TAS1R3: variants seen among roughly 807,000 people sequenced by gnomAD.
TAS1R3 encodes the protein taste receptor type 1 member 3.
A neutral mutation model predicts 46.1 loss-of-function variants in TAS1R3; 58 were observed. That is an observed-to-expected ratio of 1.26 (90% confidence interval 1.02 to 1.57). The LOEUF (loss-of-function observed/expected upper bound fraction) is 1.57. Ranked by LOEUF, TAS1R3 falls within the 40% of genes most tolerant of loss-of-function variation. The pLI, the probability that TAS1R3 is intolerant of heterozygous loss-of-function variation, is 0.00. For synonymous variants in TAS1R3, 724 were observed against 544.7 expected (o/e 1.33, Z -4.58); for missense variants, 1,422 against 1,185.8 (o/e 1.20, Z -2.93).
In TAS1R3 at chr1:1,334,240, G is replaced by A. The variant is rs1643503689; in HGVS notation, c.2335G>A (p.Val779Met). ...CTACTTCATCACCTGGGTCTCCTTT[G>A]TGCCCCTCCTGGCCAATGTGCAGGT... ...LAYFITWVSF[V>M]PLLANVQVVL... Residue 779 changes from valine (V) to methionine (M), a missense_variant, in exon 6 of 6, where the codon GTG (valine) becomes ATG (methionine). Coordinates refer to ENST00000339381, the MANE Select transcript of TAS1R3 (RefSeq NM_152228.3). The A allele has an allele frequency of 1.2e-6, 2 of 1,611,524 alleles. No individual in the cohort carries two copies. Among genetic ancestry groups the A allele is most frequent in the Non-Finnish European group, 1.7e-6 (2 of 1,179,468 alleles).
At position 1,333,113 on chromosome 1, in the gene TAS1R3, T is replaced by C. The variant is rs370290649; in HGVS notation, c.1468T>C (p.Ser490Pro). 14 of 1,611,398 alleles carry C rather than the reference T, an allele frequency of 8.7e-6. No individual in the cohort carries two copies. In the African/African-American group the frequency reaches 1.6e-4, roughly 18 times the overall value. Residue 490 changes from serine (S) to proline (P), a missense_variant, in exon 4 of 6, where the codon TCT becomes CCT. Coordinates refer to ENST00000339381, the MANE Select transcript of TAS1R3 (RefSeq NM_152228.3). ...TERLKIRWHTSDNQKPVSRCS... is the reference protein window; with the variant it reads ...TERLKIRWHTPDNQKPVSRCS... ...GCGCCTGAAGATCCGCTGGCACACGTCTGACAACCAGGTGAGGTGAGGGTG... is the reference window on the plus strand; with the variant it reads ...GCGCCTGAAGATCCGCTGGCACACGCCTGACAACCAGGTGAGGTGAGGGTG...
chr1:1,333,671 T>C lies in TAS1R3; in HGVS notation c.1766T>C (p.Leu589Pro). ...GGCCTTGTGCTGGCTGCTTTGGGGC[T>C]GTTCGTTCACCATCGGGACAGCCCA... ...ALGLVLAALG[L>P]FVHHRDSPLV... is the part of the protein sequence containing the mutation. The change falls in exon 6 of 6, where the codon CTG becomes CCG. Residue 589 changes from leucine (L) to proline (P), a missense_variant. Transcript: ENST00000339381. The C allele has an allele frequency of 6.2e-7, 1 of 1,612,096 alleles. No individual in the cohort carries two copies. The highest frequency in any genetic ancestry group is 8.5e-7 in the Non-Finnish European group (1 of 1,179,870).
At chr1:1,333,446 C>G in intron 5 of TAS1R3, 60 bp from the exon 6 acceptor site, 1 of 1,605,882 alleles carries the variant, frequency 6.2e-7, no homozygotes, top group Non-Finnish European at 8.5e-7. Context: ...AGTCCTGACT[C>G]TGAGACCAGA....
At position 1,333,948 on chromosome 1, in the gene TAS1R3, C is replaced by T. The variant is rs1165597548; in HGVS notation, c.2043C>T (p.Ala681=). The change falls in exon 6 of 6, where the codon GCC becomes GCT. Residue 681 remains alanine (A), a synonymous_variant. Coordinates refer to ENST00000339381, the MANE Select transcript of TAS1R3 (RefSeq NM_152228.3). ...GTGGCTGCCTGCGGGGGCCCTGGGC[C>T]TGGCTGGTGGTGCTGCTGGCCATGC... ...RLSGCLRGPW[A]WLVVLLAMLV... 1 of 1,600,812 alleles carries T rather than the reference C, an allele frequency of 6.2e-7. No homozygotes were observed. Among genetic ancestry groups the T allele is most frequent in the Non-Finnish European group, 8.5e-7 (1 of 1,179,596 alleles).
rs759898003 is a variant in TAS1R3, at chr1:1,333,079, C to T, written c.1434C>T (p.Leu478=). Residue 478 remains leucine, a synonymous_variant, in exon 4 of 6, where the codon CTC becomes CTT. Transcript: ENST00000339381. ...LHDVGRFNGS[L]RTERLKIRWH... is the part of the protein sequence containing the mutation. ...ACGTGGGCAGGTTCAACGGCAGCCT[C>T]AGGACAGAGCGCCTGAAGATCCGCT... 2.5e-6 allele frequency: 4 copies of T among 1,612,596 alleles called. No homozygotes were observed. In the South Asian group the frequency reaches 4.4e-5, roughly 18 times the overall value.
chr1:1,331,719 CGGGCTGCGCCT>C lies in TAS1R3; in HGVS notation c.279_289del (p.Leu95ProfsTer3). 6.2e-7 allele frequency: 1 copy of C among 1,612,954 alleles called. No homozygotes were observed. The highest frequency in any genetic ancestry group is 8.5e-7 in the Non-Finnish European group (1 of 1,180,016). On this transcript the variant is annotated frameshift_variant, in exon 2 of 6. Coordinates refer to ENST00000339381, the MANE Select transcript of TAS1R3 (RefSeq NM_152228.3). LOFTEE classifies it high-confidence loss of function. ...TCAACAACAAGTCGGATCTGCTGCC[CGGGCTGCGCCT>C]GGGCTACGACCTCTTTGATACGTGC...
rs765156860 is a variant in TAS1R3, at chr1:1,331,383, C to A, written c.38C>A (p.Ala13Asp). The change falls in exon 1 of 6, where the codon GCT becomes GAT. Residue 13 changes from alanine (A) to aspartate (D), a missense_variant. Ala to Asp is a moderately radical substitution (Grantham distance 126). Transcript: ENST00000339381. ...GPAVLGLSLW[A>D]LLHPGTGAPL... ...GCTGTCCTGGGCCTCAGCCTCTGGG[C>A]TCTCCTGCACCCTGGGACGGGGGCC... 71 of 1,600,806 alleles carry A rather than the reference C, an allele frequency of 4.4e-5. No homozygotes were observed. Among genetic ancestry groups the A allele is most frequent in the Non-Finnish European group, 6.0e-5 (71 of 1,174,540 alleles).
intron 3 of TAS1R3, 57 bp from the exon 4 acceptor site, chr1:1,332,864 G>C (rs985008408): frequency 1.3e-6 from 2 of 1,587,282 alleles, no homozygotes; most frequent in African/African-American, 1.3e-5. Context: ...CACCAGGCAC[G>C]GCCACCACGC....
chr1:1,333,958 G>A lies in TAS1R3; in HGVS notation c.2053G>A (p.Val685Met). The stretch of plus-strand genomic sequence containing the variant: ...GCGGGGGCCCTGGGCCTGGCTGGTG[G>A]TGCTGCTGGCCATGCTGGTGGAGGT... The part of the protein sequence containing the change: ...CLRGPWAWLV[V>M]LLAMLVEVAL... Residue 685 changes from valine (V) to methionine (M), a missense_variant, in exon 6 of 6, where the codon GTG becomes ATG. By Grantham distance (21) the Val-to-Met change is conservative (BLOSUM62 1). Transcript: ENST00000339381. 1 of 1,600,740 alleles carries A rather than the reference G, an allele frequency of 6.2e-7. No individual in the cohort carries two copies. Among genetic ancestry groups the A allele is most frequent in the Non-Finnish European group, 8.5e-7 (1 of 1,179,636 alleles).
Position 1,333,528 on chromosome 1 carries a change from T to C in TAS1R3, c.1623T>C (p.Cys541=), listed in dbSNP as rs1161134989. ...QNPDDIACTF[C]GQDEWSPERS... is the part of the protein sequence containing the mutation. ...CAGACGACATCGCCTGCACCTTTTG[T>C]GGCCAGGATGAGTGGTCCCCGGAGC... Residue 541 remains cysteine (C), a synonymous_variant, in exon 6 of 6, where the codon TGT becomes TGC. Transcript: ENST00000339381. The C allele has an allele frequency of 4.4e-6, 7 of 1,602,466 alleles. No homozygotes were observed. Among genetic ancestry groups the C allele is most frequent in the Non-Finnish European group, 5.9e-6 (7 of 1,179,500 alleles).
chr1:1,335,283 T>A lies in TAS1R3; in HGVS notation c.*819T>A, dbSNP rs552453840. ...GGGCACAGGCCACACATCTGTCCCA[T>A]AAAATTAAACGCTTTTTAGTGTTTA... On this transcript the variant is annotated 3_prime_UTR_variant, in exon 6 of 6. Coordinates refer to ENST00000339381, the MANE Select transcript of TAS1R3 (RefSeq NM_152228.3). The A allele has an allele frequency of 1.4e-4, 21 of 152,350 alleles. No individual in the cohort carries two copies. Among genetic ancestry groups the A allele is most frequent in the African/African-American group, 5.1e-4 (21 of 41,578 alleles). The allele number at this position is 152,350 out of a possible 1,614,324, so 9.4% of individuals were successfully genotyped here.
chr1:1,334,096 G>T lies in TAS1R3; in HGVS notation c.2191G>T (p.Gly731Cys). The part of the protein sequence containing the change: ...HCRTRSWVSF[G>C]LAHATNATLA... ...CCGCACACGCTCCTGGGTCAGCTTC[G>T]GCCTAGCGCACGCCACCAATGCCAC... Residue 731 changes from glycine to cysteine, a missense_variant, in exon 6 of 6, where the codon GGC (glycine) becomes TGC (cysteine). By Grantham distance (159) the Gly-to-Cys change is radical. Coordinates refer to ENST00000339381, the MANE Select transcript of TAS1R3 (RefSeq NM_152228.3). 1 of 1,587,514 alleles carries T rather than the reference G, an allele frequency of 6.3e-7. No homozygotes were observed. The highest frequency in any genetic ancestry group is 8.6e-7 in the Non-Finnish European group (1 of 1,168,270).
Position 1,333,151 on chromosome 1 carries a change from G to A in TAS1R3, c.1479+27G>A, listed in dbSNP as rs201962152. On this transcript the variant is annotated intron_variant, in intron 4 of 5. Transcript: ENST00000339381. ...TGAGGTGAGGGTGGGTGTGCCAGGC[G>A]TGCCCGTGGTAGCCCCCGCGGCAGG... is the stretch of plus-strand genomic sequence containing the variant. 166 of 1,603,882 alleles carry A rather than the reference G, an allele frequency of 1.0e-4. No homozygotes were observed. In the East Asian group the frequency reaches 2.3e-3, roughly 23 times the overall value.
In TAS1R3 at chr1:1,333,063, G is replaced by C; in HGVS notation, c.1418G>C (p.Arg473Thr). The C allele has an allele frequency of 6.2e-7, 1 of 1,612,740 alleles. No individual in the cohort carries two copies. Among genetic ancestry groups the C allele is most frequent in the Non-Finnish European group, 8.5e-7 (1 of 1,179,924 alleles). Reference sequence around the variant, plus strand: ...GTGCCCAGGCTCCACGACGTGGGCAGGTTCAACGGCAGCCTCAGGACAGAG... The same window carrying C: ...GTGCCCAGGCTCCACGACGTGGGCACGTTCAACGGCAGCCTCAGGACAGAG... ...GSVPRLHDVG[R>T]FNGSLRTERL... The change falls in exon 4 of 6, where the codon AGG becomes ACG. Residue 473 changes from arginine (R) to threonine (T), a missense_variant. Coordinates refer to ENST00000339381, the MANE Select transcript of TAS1R3 (RefSeq NM_152228.3).
Position 1,331,936 on chromosome 1 carries a change from C to T in TAS1R3, c.490C>T (p.Gln164Ter). The T allele has an allele frequency of 6.2e-7, 1 of 1,605,364 alleles. No homozygotes were observed. Among genetic ancestry groups the T allele is most frequent in the Non-Finnish European group, 8.5e-7 (1 of 1,178,150 alleles). Residue 164 changes from glutamine to a stop codon, truncating the protein, a stop_gained and splice_region_variant, in exon 2 of 6, where the codon CAG becomes TAG. Transcript: ENST00000339381. LOFTEE classifies it high-confidence loss of function. ...GKFFSFFLMP[Q>*]VSYGASMELL... ...GTTCTTCAGCTTCTTCCTCATGCCC[C>T]AGGTGGGCGCCCCCCACCATCACCC... is the stretch of plus-strand genomic sequence containing the variant.
Position 1,334,272 on chromosome 1 carries a change from C to G in TAS1R3, c.2367C>G (p.Leu789=). Residue 789 remains leucine, a synonymous_variant, in exon 6 of 6, where the codon CTC becomes CTG. Coordinates refer to ENST00000339381, the MANE Select transcript of TAS1R3 (RefSeq NM_152228.3). ...TCCTGGCCAATGTGCAGGTGGTCCT[C>G]AGGCCCGCCGTGCAGATGGGCGCCC... ...VPLLANVQVV[L]RPAVQMGALL... is the part of the protein sequence containing the mutation. The G allele has an allele frequency of 2.5e-6, 4 of 1,611,968 alleles. No individual in the cohort carries two copies. Among genetic ancestry groups the G allele is most frequent in the Non-Finnish European group, 3.4e-6 (4 of 1,179,432 alleles).
Position 1,331,474 on chromosome 1 carries a change from G to C in TAS1R3, c.129G>C (p.Leu43=), listed in dbSNP as rs748034617. The C allele has an allele frequency of 2.5e-6, 4 of 1,606,950 alleles. No homozygotes were observed. The Admixed American group carries it at 6.8e-5, about 27-fold the overall frequency. ...GDYVLGGLFP[L]GEAEEAGLRS... is the part of the protein sequence containing the mutation. ...ACGTGCTGGGGGGGCTGTTCCCCCT[G>C]GGCGAGGCCGAGGAGGCTGGCCTCC... The change falls in exon 1 of 6, where the codon CTG becomes CTC. Residue 43 remains leucine, a synonymous_variant. Transcript: ENST00000339381.
chr1:1,333,982 G>C lies in TAS1R3; in HGVS notation c.2077G>C (p.Val693Leu). 1 of 1,599,960 alleles carries C rather than the reference G, an allele frequency of 6.3e-7. No individual in the cohort carries two copies. Among genetic ancestry groups the C allele is most frequent in the South Asian group, 1.1e-5 (1 of 91,054 alleles). ...LVVLLAMLVE[V>L]ALCTWYLVAF... Reference sequence around the variant, plus strand: ...GGTGCTGCTGGCCATGCTGGTGGAGGTCGCACTGTGCACCTGGTACCTGGT... The same window carrying C: ...GGTGCTGCTGGCCATGCTGGTGGAGCTCGCACTGTGCACCTGGTACCTGGT... The change falls in exon 6 of 6, where the codon GTC becomes CTC. Residue 693 changes from valine (V) to leucine (L), a missense_variant. Val to Leu is a conservative substitution (Grantham distance 32). Coordinates refer to ENST00000339381, the MANE Select transcript of TAS1R3 (RefSeq NM_152228.3).
rs139462406 is a variant in TAS1R3 at position 1,332,575 on chromosome 1, G to A, written c.1044G>A (p.Pro348=). ...CGCACCTGGCCCTGGCCACCGACCC[G>A]GCCTTCTGCTCTGCCCTGGGCGAGA... The part of the protein sequence containing the change: ...VKTHLALATD[P]AFCSALGERE... The change falls in exon 3 of 6, where the codon CCG becomes CCA. Residue 348 remains proline, a synonymous_variant. Coordinates refer to ENST00000339381, the MANE Select transcript of TAS1R3 (RefSeq NM_152228.3). 3,498 of 1,611,646 alleles carry A rather than the reference G, an allele frequency of 2.2e-3. 11 individuals carry two copies. The highest frequency in any genetic ancestry group is 2.5e-3 in the Non-Finnish European group (2,996 of 1,179,946).
Sources: gnomAD v4.1 joint callset for allele counts on GRCh38, gnomAD v4.1.1 for gene constraint, MANE v1.5 for transcripts, NCBI Gene and HGNC (gene_info 2026-07-23, HGNC 2026-07-21) for gene names.